KCNA7: variants seen among roughly 807,000 people sequenced by gnomAD.
KCNA7 encodes potassium channel, voltage gated shaker related subfamily A, member 7.
Under a neutral mutation model 21.5 loss-of-function variants are expected in KCNA7, and 15 were observed. The ratio of observed to expected loss-of-function variants is 0.70; its 90% CI spans 0.47 to 1.07. The LOEUF (loss-of-function observed/expected upper bound fraction) is 1.07, where lower values mean the gene tolerates loss of function less well. Among genes scored for constraint, KCNA7 ranks in the 50% least tolerant of loss-of-function variants. KCNA7 has a pLI of 0.00. For missense variants in KCNA7, 640 were observed against 651.6 expected, an observed-to-expected ratio of 0.98 and a Z score of 0.19; for synonymous variants, 298 against 291.0, an observed-to-expected ratio of 1.02 and a Z score of -0.24.
rs1229042575 is a variant in KCNA7 at position 49,068,819 on chromosome 19, T to C, written c.*1244A>G. On this transcript the variant is annotated 3_prime_UTR_variant, in exon 2 of 2. Coordinates refer to ENST00000221444, the MANE Select transcript of KCNA7 (RefSeq NM_031886.3). ...TCCTTTTGGCTCTGTCCCTCTATCA[T>C]GTCTGGACAGAGTACAGTTTTCTCC... 1.3e-5 allele frequency: 2 copies of C among 152,326 alleles called. No homozygotes were observed. Among genetic ancestry groups the C allele is most frequent in the African/African-American group, 4.8e-5 (2 of 41,442 alleles). 9.4% of individuals were successfully genotyped at this position (152,326 alleles called of 1,614,324 possible).
Position 49,070,573 on chromosome 19 carries a change from G to A in KCNA7, c.861C>T (p.Arg287=), listed in dbSNP as rs769318971. 2 of 1,614,200 alleles carry A rather than the reference G, an allele frequency of 1.2e-6. No homozygotes were observed. Among genetic ancestry groups the A allele is most frequent in the South Asian group, 2.2e-5 (2 of 91,086 alleles). ...TTGAGTGCCGGGACAGCTTGAAGAT[G>A]CGGAAGACACGCACCAATCGGATGA... The part of the protein sequence containing the change: ...LRVIRLVRVF[R]IFKLSRHSKG... The change falls in exon 2 of 2, where the codon CGC becomes CGT. Residue 287 remains arginine (R), a synonymous_variant. Transcript: ENST00000221444. This position sits in a 1 kb window ranked among gnomAD's most constrained non-coding sequence, Gnocchi z 4.3.
At position 49,070,710 on chromosome 19, in the gene KCNA7, T is replaced by G; in HGVS notation, c.724A>C (p.Met242Leu). 1 of 1,614,182 alleles carries G rather than the reference T, an allele frequency of 6.2e-7. No homozygotes were observed. Among genetic ancestry groups the G allele is most frequent in the Non-Finnish European group, 8.5e-7 (1 of 1,180,038 alleles). ...PSKAIFFKNV[M>L]NLIDFVAILP... is the part of the protein sequence containing the mutation. ...ATAGCCACAAAATCGATGAGGTTCATCACGTTCTTGAAGAAGATAGCCTTG... is the reference window on the plus strand; with the variant it reads ...ATAGCCACAAAATCGATGAGGTTCAGCACGTTCTTGAAGAAGATAGCCTTG... Residue 242 changes from methionine to leucine, a missense_variant, in exon 2 of 2, where the codon ATG becomes CTG. Coordinates refer to ENST00000221444, the MANE Select transcript of KCNA7 (RefSeq NM_031886.3). The surrounding 1 kb of genome is among the most constrained non-coding windows in gnomAD (Gnocchi z 4.3).
rs1485327835 is a variant in KCNA7 at position 49,067,922 on chromosome 19, CAG to C, written c.*2139_*2140del. The C allele has an allele frequency of 3.2e-5, 4 of 124,904 alleles. No individual in the cohort carries two copies. The highest frequency in any genetic ancestry group is 7.2e-5 in the Non-Finnish European group (4 of 55,904). The allele number at this position is 124,904 out of a possible 1,614,324, so 7.7% of individuals were successfully genotyped here. A position where few individuals can be genotyped will look rare whatever the true frequency, so the allele number is the denominator to read the frequency against. On this transcript the variant is annotated 3_prime_UTR_variant, in exon 2 of 2. Coordinates refer to ENST00000221444, the MANE Select transcript of KCNA7 (RefSeq NM_031886.3). Reference sequence around the variant, plus strand: ...TTTTCTTTTCTTTTTTTTTTTGAGACAGAGTGTTGCTCTGCTGCCCAGGCTGG... The same window carrying C: ...TTTTCTTTTCTTTTTTTTTTTGAGACAGTGTTGCTCTGCTGCCCAGGCTGG...
rs1005771939 is a variant in KCNA7, at chr19:49,067,572, C to A, written c.*2491G>T. The stretch of plus-strand genomic sequence containing the variant: ...TTGGGTAACACCTGCTGCTCTGAGC[C>A]TCAGTTTCCCCGTCTGTAAGAAATG... On this transcript the variant is annotated 3_prime_UTR_variant, in exon 2 of 2. Coordinates refer to ENST00000221444, the MANE Select transcript of KCNA7 (RefSeq NM_031886.3). The A allele has an allele frequency of 6.6e-6, 1 of 152,210 alleles. No individual in the cohort carries two copies. The highest frequency in any genetic ancestry group is 1.5e-5 in the Non-Finnish European group (1 of 68,042). 9.4% of individuals were successfully genotyped at this position (152,210 alleles called of 1,614,324 possible). A position where few individuals can be genotyped will look rare whatever the true frequency, so the allele number is the denominator to read the frequency against.
At chr19:49,071,825 C>T (rs2040259450) in intron 1 of KCNA7, among the ~76,000 whole-genome samples, 2 of 152,200 alleles carry the variant, frequency 1.3e-5, no homozygotes, top group Admixed American at 6.5e-5. Context: ...CTCTTCACGC[C>T]GGGTTTCTCA....
Position 49,072,326 on chromosome 19 carries a change from T to A in KCNA7, c.260A>T (p.Asp87Val). The change falls in exon 1 of 2, where the codon GAC (aspartate) becomes GTC (valine). Residue 87 changes from aspartate to valine, a missense_variant. Asp to Val is a radical substitution (Grantham distance 152). Transcript: ENST00000221444. ...RLRRPAHVPL[D>V]VFLEEVAFYG... ...GAAGGCCACCTCTTCCAGGAAGACG[T>A]CGAGCGGCACGTGCGCCGGCCGCCG... 6.3e-7 allele frequency: 1 copy of A among 1,591,210 alleles called. No individual in the cohort carries two copies.
In KCNA7 at chr19:49,072,530, A is replaced by G; in HGVS notation, c.56T>C (p.Val19Ala). Residue 19 changes from valine (V) to alanine (A), a missense_variant, in exon 1 of 2, where the codon GTG (valine) becomes GCG (alanine). By Grantham distance (64) the Val-to-Ala change is moderately conservative. Coordinates refer to ENST00000221444, the MANE Select transcript of KCNA7 (RefSeq NM_031886.3). ...CGCCERLVLN[V>A]AGLRFETRAR... ...CCGCGTCTCGAAGCGCAGCCCGGCCACGTTGAGCACCAGCCGCTCGCAGCA... is the reference window on the plus strand; with the variant it reads ...CCGCGTCTCGAAGCGCAGCCCGGCCGCGTTGAGCACCAGCCGCTCGCAGCA... 3.5e-6 allele frequency: 5 copies of G among 1,444,286 alleles called. No individual in the cohort carries two copies. The highest frequency in any genetic ancestry group is 4.5e-6 in the Non-Finnish European group (5 of 1,106,438). The allele number at this position is 1,444,286 out of a possible 1,614,324, so 89.5% of individuals were successfully genotyped here.
At position 49,068,951 on chromosome 19, in the gene KCNA7, G is replaced by A. The variant is rs1205818334; in HGVS notation, c.*1112C>T. 7 of 152,132 alleles carry A rather than the reference G, an allele frequency of 4.6e-5. No homozygotes were observed. The highest frequency in any genetic ancestry group is 1.7e-4 in the African/African-American group (7 of 41,392). The allele number at this position is 152,132 out of a possible 1,614,324, so 9.4% of individuals were successfully genotyped here. A position where few individuals can be genotyped will look rare whatever the true frequency, so the allele number is the denominator to read the frequency against. ...GAAGTGGATGTGGGGTAAACAGGAG[G>A]AGCATCCACCTCTTCCTAATTTACC... is the stretch of plus-strand genomic sequence containing the variant. On this transcript the variant is annotated 3_prime_UTR_variant, in exon 2 of 2. Transcript: ENST00000221444.
chr19:49,071,664 C>T (rs555215834), intron 1 of KCNA7, among the ~76,000 whole-genome samples: 58 of 152,204 alleles, frequency 3.8e-4, no homozygotes, highest in African/African-American at 1.3e-3. Flanking sequence ...TGTCGCCCCT[C>T]GGGCTCCAGC....
In KCNA7 at chr19:49,072,267, G is replaced by T. The variant is rs1395558144; in HGVS notation, c.319C>A (p.Arg107Ser). 1 of 1,586,612 alleles carries T rather than the reference G, an allele frequency of 6.3e-7. No homozygotes were observed. The highest frequency in any genetic ancestry group is 1.1e-5 in the South Asian group (1 of 88,170). Residue 107 changes from arginine to serine, a missense_variant, in exon 1 of 2, where the codon CGC becomes AGC. Transcript: ENST00000221444. ...GLGAAALARLREDEGCPVPPE... is the reference protein window; with the variant it reads ...GLGAAALARLSEDEGCPVPPE... ...GGCACCGGGCAGCCCTCGTCCTCGC[G>T]CAGGCGTGCCAGGGCCGCCGCGCCC... is the stretch of plus-strand genomic sequence containing the variant.
rs1464746644 is a variant in KCNA7, at chr19:49,072,591, G to A, written c.-6C>T. The A allele has an allele frequency of 1.6e-6, 2 of 1,242,178 alleles. No individual in the cohort carries two copies. The highest frequency in any genetic ancestry group is 2.0e-6 in the Non-Finnish European group (2 of 996,984). 76.9% of individuals were successfully genotyped at this position (1,242,178 alleles called of 1,614,324 possible). On this transcript the variant is annotated 5_prime_UTR_variant, in exon 1 of 2. Coordinates refer to ENST00000221444, the MANE Select transcript of KCNA7 (RefSeq NM_031886.3). ...GGCGGGCACCGCGGCTCCATGGCGC[G>A]CGCAGCCCCGGCGACCCGCGAACCG...
In KCNA7 at chr19:49,072,365, G is replaced by T; in HGVS notation, c.221C>A (p.Ser74Tyr). Reference protein sequence around the residue: ...SFDAVLYYYQSGGRLRRPAHV... With the variant: ...SFDAVLYYYQYGGRLRRPAHV... Reference sequence around the variant, plus strand: ...CGCCGGCCGCCGCAGCCGCCCACCGGACTGGTAGTAGTAGAGCACGGCGTC... The same window carrying T: ...CGCCGGCCGCCGCAGCCGCCCACCGTACTGGTAGTAGTAGAGCACGGCGTC... Residue 74 changes from serine (S) to tyrosine (Y), a missense_variant, in exon 1 of 2, where the codon TCC becomes TAC. Transcript: ENST00000221444. 18 of 1,594,338 alleles carry T rather than the reference G, an allele frequency of 1.1e-5. No individual in the cohort carries two copies. The highest frequency in any genetic ancestry group is 1.5e-5 in the Non-Finnish European group (18 of 1,175,322).
At position 49,072,066 on chromosome 19, in the gene KCNA7, C is replaced by T. The variant is rs950997183; in HGVS notation, c.520G>A (p.Gly174Ser). 24 of 1,609,106 alleles carry T rather than the reference C, an allele frequency of 1.5e-5. No homozygotes were observed. The highest frequency in any genetic ancestry group is 7.7e-5 in the South Asian group (7 of 90,806). ...TLPDFRDDRD[G>S]TGLAAAAAAG... ...GCGGCTGCAGCAGCAAGCCCCGTGC[C>T]GTCGCGGTCGTCGCGGAAGTCAGGC... The change falls in exon 1 of 2, where the codon GGC (glycine) becomes AGC (serine). Residue 174 changes from glycine to serine, a missense_variant. By Grantham distance (56) the Gly-to-Ser change is moderately conservative. Coordinates refer to ENST00000221444, the MANE Select transcript of KCNA7 (RefSeq NM_031886.3).
Position 49,069,927 on chromosome 19 carries a change from C to T in KCNA7, c.*136G>A. 1.5e-6 allele frequency: 1 copy of T among 672,090 alleles called. No homozygotes were observed. Among genetic ancestry groups the T allele is most frequent in the South Asian group, 1.9e-5 (1 of 52,902 alleles). 41.6% of individuals were successfully genotyped at this position (672,090 alleles called of 1,614,324 possible). A position where few individuals can be genotyped will look rare whatever the true frequency, so the allele number is the denominator to read the frequency against. ...CCACACAACCCAAGACCCAACAAGACTCAGTGTTTCCCCACTCGTTACGAC... is the reference window on the plus strand; with the variant it reads ...CCACACAACCCAAGACCCAACAAGATTCAGTGTTTCCCCACTCGTTACGAC... On this transcript the variant is annotated 3_prime_UTR_variant, in exon 2 of 2. Transcript: ENST00000221444.
chr19:49,070,362 T>C lies in KCNA7; in HGVS notation c.1072A>G (p.Thr358Ala), dbSNP rs1471939383. Residue 358 changes from threonine (T) to alanine (A), a missense_variant, in exon 2 of 2, where the codon ACA becomes GCA. By Grantham distance (58) the Thr-to-Ala change is moderately conservative. Coordinates refer to ENST00000221444, the MANE Select transcript of KCNA7 (RefSeq NM_031886.3). The surrounding 1 kb of genome is among the most constrained non-coding windows in gnomAD (Gnocchi z 4.3). Reference sequence around the variant, plus strand: ...GGTGCCATGTCTCCATAGCCAACTGTAGTCATGGTGACTACCGCCCACCAG... The same window carrying C: ...GGTGCCATGTCTCCATAGCCAACTGCAGTCATGGTGACTACCGCCCACCAG... Reference protein sequence around the residue: ...SFWWAVVTMTTVGYGDMAPVT... With the variant: ...SFWWAVVTMTAVGYGDMAPVT... 1 of 1,614,002 alleles carries C rather than the reference T, an allele frequency of 6.2e-7. No homozygotes were observed. The highest frequency in any genetic ancestry group is 8.5e-7 in the Non-Finnish European group (1 of 1,180,042).
intron 1 of KCNA7, among the ~76,000 whole-genome samples, chr19:49,071,582 C>T (rs571392134): frequency 2.0e-5 from 3 of 151,902 alleles, no homozygotes; most frequent in South Asian, 2.1e-4. Context: ...AAAAGACCTT[C>T]TCTGCAAGCC....
In KCNA7 at chr19:49,068,421, T is replaced by G. The variant is rs903529075; in HGVS notation, c.*1642A>C. 6.6e-6 allele frequency: 1 copy of G among 152,228 alleles called. No individual in the cohort carries two copies. The highest frequency in any genetic ancestry group is 2.4e-5 in the African/African-American group (1 of 41,420). The allele number at this position is 152,228 out of a possible 1,614,324, so 9.4% of individuals were successfully genotyped here. On this transcript the variant is annotated 3_prime_UTR_variant, in exon 2 of 2. Coordinates refer to ENST00000221444, the MANE Select transcript of KCNA7 (RefSeq NM_031886.3). ...TCTACCTCTCAGGGTCAAGGGATCT[T>G]TCTGCCTCAGCTTCCTGAGTAGCTG... is the stretch of plus-strand genomic sequence containing the variant.
At position 49,067,488 on chromosome 19, in the gene KCNA7, C is replaced by A. The variant is rs2040225192; in HGVS notation, c.*2575G>T. 6.6e-6 allele frequency: 1 copy of A among 152,232 alleles called. No individual in the cohort carries two copies. The highest frequency in any genetic ancestry group is 1.5e-5 in the Non-Finnish European group (1 of 68,034). The allele number at this position is 152,232 out of a possible 1,614,324, so 9.4% of individuals were successfully genotyped here. On this transcript the variant is annotated 3_prime_UTR_variant, in exon 2 of 2. Transcript: ENST00000221444. ...TATATGTGTTAGTGATTTCAGCCTT[C>A]TTCCTCTAAATGCCCTTTGAGTTCT...
In KCNA7 at chr19:49,070,465, C is replaced by T. The variant is rs1249035904; in HGVS notation, c.969G>A (p.Val323=). 5.0e-6 allele frequency: 8 copies of T among 1,613,958 alleles called. No homozygotes were observed. The highest frequency in any genetic ancestry group is 5.1e-6 in the Non-Finnish European group (6 of 1,180,004). Residue 323 remains valine, a synonymous_variant, in exon 2 of 2, where the codon GTG becomes GTA. Transcript: ENST00000221444. The surrounding 1 kb of genome is among the most constrained non-coding windows in gnomAD (Gnocchi z 4.3). ...GLLIFFLFIG[V]VLFSSAVYFA... is the part of the protein sequence containing the mutation. ...AGTAGACGGCGCTGGAAAAGAGGAC[C>T]ACACCGATGAAGAGGAAAAAGATGA...
Sources: gnomAD v4.1 joint callset for allele counts (sites outside exome capture counted in the v4.1 genomes callset) on GRCh38, gnomAD v4.1.1 for gene constraint, Gnocchi (gnomAD v3.1) non-coding constraint, MANE v1.5 for transcripts, NCBI Gene and HGNC (gene_info 2026-07-23, HGNC 2026-07-21) for gene names.